The following ENOX2 variants were observed in gnomAD, a reference collection of about 807,000 sequenced individuals.
The protein encoded by ENOX2 is ecto-NOX disulfide-thiol exchanger 2, also known as APK1 antigen.
ENOX2 carries 36 observed loss-of-function variants against 45.0 expected under a neutral mutation model. That is an observed-to-expected ratio of 0.80 (90% CI 0.61 to 1.06). The LOEUF (loss-of-function observed/expected upper bound fraction) is 1.06. ENOX2 is among the 50% of genes least tolerant of loss of function. The probability of loss-of-function intolerance (pLI) is 0.00; values close to 1 mark genes in which losing one functional copy is unlikely to be tolerated. For missense variants in ENOX2, 423 were observed against 462.5 expected, an observed-to-expected ratio of 0.91 and a Z score of 0.78; for synonymous variants, 174 against 152.3, an observed-to-expected ratio of 1.14 and a Z score of -1.05.
At chrX:130,890,112 A>C (rs1476649545) in intron 2 of ENOX2, among the ~76,000 whole-genome samples, 1 of 112,183 alleles carries the variant, frequency 8.9e-6, no homozygotes, top group Non-Finnish European at 1.9e-5. Flanking sequence ...AGTTCCTCAG[A>C]AGGGCCATTC....
At chrX:130,645,934 C>G in intron 10 of ENOX2, 2 of 701,487 alleles carry the variant, frequency 2.9e-6, no homozygotes, top group Admixed American at 2.2e-5. Flanking sequence ...AGCAGTCGTC[C>G]CAGCAATCAG....
At chrX:130,841,030 T>C (rs186735229) in intron 2 of ENOX2, among the ~76,000 whole-genome samples, 19 of 111,999 alleles carry the variant, frequency 1.7e-4, no homozygotes, top group African/African-American at 5.8e-4. Flanking sequence ...AGAAACACCA[T>C]ACTGAGTCAT....
intron 2 of ENOX2, among the ~76,000 whole-genome samples, chrX:130,842,150 G>A (rs1188903340): frequency 1.8e-5 from 2 of 112,756 alleles, no homozygotes; most frequent in African/African-American, 6.4e-5. Flanking sequence ...CAGCCAGGCT[G>A]GCCTTAATAC....
intron 10 of ENOX2, among the ~76,000 whole-genome samples, chrX:130,654,902 A>T (rs150933385): frequency 2.4e-3 from 266 of 112,124 alleles, no homozygotes; most frequent in Middle Eastern, 4.6e-3. Flanking sequence ...TAGTAAGTGC[A>T]TTCAATCTGA....
At position 130,828,010 on chromosome X, in the gene ENOX2, C is replaced by T. The variant is rs770521746; in HGVS notation, c.-182-44320G>A. ...ACAGATATTATCATTGTCATTTTTC[C>T]GAAGAGGAAATGGATTGAGAAGTGA... On this transcript the variant is annotated intron_variant, in intron 2 of 14. Transcript: ENST00000394363. Among the ~76,000 whole-genome samples the T allele has an allele frequency of 7.1e-4, 79 of 111,878 alleles. 1 individual carries two copies. The highest frequency in any genetic ancestry group is 2.5e-3 in the African/African-American group (76 of 30,943).
chrX:130,814,964 T>C (rs1017831114), intron 2 of ENOX2, among the ~76,000 whole-genome samples: 1 of 111,301 alleles, frequency 9.0e-6, no homozygotes, highest in Non-Finnish European at 1.9e-5. Flanking sequence ...TAAAGGAGCA[T>C]GTTCTAACCC....
intron 2 of ENOX2, among the ~76,000 whole-genome samples, chrX:130,845,495 C>G (rs2078085221): frequency 8.9e-6 from 1 of 112,416 alleles, no homozygotes; most frequent in African/African-American, 3.2e-5. Flanking sequence ...GACAGAGTTT[C>G]ACTCCTGTTG....
At chrX:130,625,494 A>C in intron 14 of ENOX2, 49 bp from the exon 15 acceptor site, 1 of 1,165,205 alleles carries the variant, frequency 8.6e-7, no homozygotes, top group East Asian at 3.0e-5. Context: ...CTATTTTCCT[A>C]ATCTTCTTTC....
intron 2 of ENOX2, among the ~76,000 whole-genome samples, chrX:130,889,175 A>C (rs1476158666): frequency 8.9e-6 from 1 of 112,045 alleles, no homozygotes; most frequent in Non-Finnish European, 1.9e-5. Flanking sequence ...GCACTAAATG[A>C]TCCAGGCAAT....
At chrX:130,639,674 T>C (rs1422710522) in intron 10 of ENOX2, among the ~76,000 whole-genome samples, 2 of 111,182 alleles carry the variant, frequency 1.8e-5, no homozygotes, top group East Asian at 2.8e-4. Context: ...TAATATGCAA[T>C]GGTCTTTAAA....
intron 3 of ENOX2, among the ~76,000 whole-genome samples, chrX:130,706,183 C>T (rs1009268657): frequency 1.2e-4 from 13 of 111,941 alleles, no homozygotes; most frequent in Non-Finnish European, 2.1e-4. Context: ...CTAGTAACTA[C>T]GAACACAGAG....
intron 2 of ENOX2, among the ~76,000 whole-genome samples, chrX:130,799,899 T>C (rs918888729): frequency 9.1e-6 from 1 of 110,492 alleles, no homozygotes; most frequent in Non-Finnish European, 1.9e-5. Flanking sequence ...AAAGTACTTC[T>C]GATGCTGCTC....
At chrX:130,840,930 A>T in intron 2 of ENOX2, among the ~76,000 whole-genome samples, 1 of 111,876 alleles carries the variant, frequency 8.9e-6, no homozygotes, top group East Asian at 2.8e-4. Context: ...GCCCAACTGA[A>T]ATCTTAAGAA....
chrX:130,799,880 C>T (rs769634653), intron 2 of ENOX2, among the ~76,000 whole-genome samples: 2 of 109,116 alleles, frequency 1.8e-5, no homozygotes, highest in Non-Finnish European at 3.8e-5. Context: ...GGCACCCCCC[C>T]AAAAAATTAA....
At chrX:130,860,545 T>C (rs1235969403) in intron 2 of ENOX2, among the ~76,000 whole-genome samples, 1 of 111,700 alleles carries the variant, frequency 9.0e-6, no homozygotes, top group African/African-American at 3.3e-5. Flanking sequence ...TCTCAGTAAA[T>C]GTAACCTCCT....
chrX:130,799,865 G>C (rs1477566517), intron 2 of ENOX2, among the ~76,000 whole-genome samples: 1 of 110,451 alleles, frequency 9.1e-6, no homozygotes, highest in African/African-American at 3.3e-5. Context: ...TAGTAGTACA[G>C]TTAAGGCACC....
intron 3 of ENOX2, among the ~76,000 whole-genome samples, chrX:130,775,492 T>C (rs1235077475): frequency 9.0e-6 from 1 of 111,555 alleles, no homozygotes; most frequent in Admixed American, 9.5e-5. Flanking sequence ...TATGAGTGAG[T>C]AGAGCCTAGT....
intron 2 of ENOX2, among the ~76,000 whole-genome samples, chrX:130,858,388 G>C (rs1462050225): frequency 9.0e-6 from 1 of 110,990 alleles, no homozygotes; most frequent in Non-Finnish European, 1.9e-5. Context: ...AAAGTGCTGA[G>C]ATTACAGATG....
intron 2 of ENOX2, among the ~76,000 whole-genome samples, chrX:130,863,107 A>G (rs2078436366): frequency 8.9e-6 from 1 of 111,974 alleles, no homozygotes; most frequent in Admixed American, 9.4e-5. Context: ...CCTCTTATAA[A>G]GCTTAGGCTA....
Sources: allele counts gnomAD v4.1 joint callset (sites outside exome capture counted in the v4.1 genomes callset), GRCh38; gene constraint gnomAD v4.1.1; transcripts MANE v1.5; gene names NCBI Gene and HGNC (gene_info 2026-07-23, HGNC 2026-07-21).